The following BTBD7 variants were observed in gnomAD, a reference collection of about 807,000 sequenced individuals.
BTBD7 encodes the protein BTB domain containing 7.
In BTBD7, 38 loss-of-function variants were observed where a neutral mutation model predicts 99.9. That is an observed-to-expected ratio of 0.38 (90% CI 0.29 to 0.50). BTBD7 has a LOEUF of 0.50. BTBD7 is among the 20% of genes least tolerant of loss of function. BTBD7 has a pLI of 0.93. For missense variants in BTBD7, 1,170 were observed against 1,394.6 expected, an observed-to-expected ratio of 0.84 and a Z score of 2.57; for synonymous variants, 520 against 511.4, an observed-to-expected ratio of 1.02 and a Z score of -0.23.
chr14:93,299,883 G>A (rs1363939941), intron 1 of BTBD7, among the ~76,000 whole-genome samples: 2 of 152,132 alleles, frequency 1.3e-5, no homozygotes, highest in African/African-American at 4.8e-5. Flanking sequence ...GGACATTTGA[G>A]CACCTTTAAA....
intron 7 of BTBD7, 125 bp from the exon 8 acceptor site, chr14:93,251,777 A>T (rs2052370527): frequency 1.1e-6 from 1 of 894,034 alleles, no homozygotes. Context: ...ATAAATGTTA[A>T]CATTAGTGGT....
intron 1 of BTBD7, among the ~76,000 whole-genome samples, chr14:93,321,051 T>G (rs186417087): frequency 2.0e-4 from 31 of 152,182 alleles, no homozygotes; most frequent in Admixed American, 2.0e-3. Flanking sequence ...TTAAGAGAGG[T>G]TATAAAAAAT....
chr14:93,249,562 T>G (rs1244282977), intron 8 of BTBD7, among the ~76,000 whole-genome samples: 2 of 152,242 alleles, frequency 1.3e-5, no homozygotes, highest in African/African-American at 2.4e-5. Context: ...AGGCATGCTG[T>G]GACTGGTAGG....
Position 93,294,092 on chromosome 14 carries a change from G to T in BTBD7, c.928C>A (p.Pro310Thr), listed in dbSNP as rs146159080. 3.1e-6 allele frequency: 5 copies of T among 1,613,918 alleles called. No individual in the cohort carries two copies. In the African/African-American group the frequency reaches 5.3e-5, roughly 17 times the overall value. The change falls in exon 3 of 11, where the codon CCC becomes ACC. Residue 310 changes from proline (P) to threonine (T), a missense_variant. By Grantham distance (38) the Pro-to-Thr change is conservative. This residue lies in a region of BTBD7 where 359 missense variants were observed against 497.9 expected (regional missense o/e 0.72). Transcript: ENST00000334746. ...EEITDRTLRTPTRIILDESII... is the reference protein window; with the variant it reads ...EEITDRTLRTTTRIILDESII... ...GACTCATCTAATATAATTCTTGTGGGAGTCCTCAAAGTTCGGTCTGTGATT... is the reference window on the plus strand; with the variant it reads ...GACTCATCTAATATAATTCTTGTGGTAGTCCTCAAAGTTCGGTCTGTGATT...
At position 93,296,945 on chromosome 14, in the gene BTBD7, T is replaced by C. The variant is rs537609063; in HGVS notation, c.-106-788A>G. ...CTCAGAGCTGCTAGCAAGAGATTTA[T>C]GCAAAAAAGAAAATCTAAGAGAGAA... On this transcript the variant is annotated intron_variant, in intron 1 of 10. Coordinates refer to ENST00000334746, the MANE Select transcript of BTBD7 (RefSeq NM_001002860.4). 2.2e-4 allele frequency among the ~76,000 whole-genome samples: 33 copies of C among 152,272 alleles called. 2 individuals carry two copies. Among genetic ancestry groups the C allele is most frequent in the Admixed American group, 2.0e-3 (31 of 15,300 alleles).
chr14:93,251,515 C>T lies in BTBD7; in HGVS notation c.1890G>A (p.Gln630=). The change falls in exon 8 of 11, where the codon CAG becomes CAA. Residue 630 remains glutamine (Q), a synonymous_variant. Coordinates refer to ENST00000334746, the MANE Select transcript of BTBD7 (RefSeq NM_001002860.4). ...PQCCHMISHQ[Q]ISSNQSSPPS... ...GAGGGCTTGACTGGTTGCTGCTGAT[C>T]TGCTGGTGGCTGATCATGTGACAAC... The T allele has an allele frequency of 6.2e-7, 1 of 1,613,008 alleles. No individual in the cohort carries two copies. The highest frequency in any genetic ancestry group is 8.5e-7 in the Non-Finnish European group (1 of 1,179,184).
At position 93,242,571 on chromosome 14, in the gene BTBD7, G is replaced by A; in HGVS notation, c.3101C>T (p.Pro1034Leu). The A allele has an allele frequency of 1.9e-6, 3 of 1,614,202 alleles. No individual in the cohort carries two copies. The highest frequency in any genetic ancestry group is 2.5e-6 in the Non-Finnish European group (3 of 1,180,046). ...TGCCAAAGGAAAGTCTGACCGCTGG[G>A]GAGGTTGCTCAACGACATCCAGGTG... Reference protein sequence around the residue: ...PIHLDVVEQPPQRSDFPLAAP... With the variant: ...PIHLDVVEQPLQRSDFPLAAP... The change falls in exon 11 of 11, where the codon CCC becomes CTC. Residue 1034 changes from proline (P) to leucine (L), a missense_variant. Pro to Leu is a moderately conservative substitution (Grantham distance 98). Coordinates refer to ENST00000334746, the MANE Select transcript of BTBD7 (RefSeq NM_001002860.4).
At chr14:93,283,950 T>G (rs1320054022) in intron 3 of BTBD7, among the ~76,000 whole-genome samples, 2 of 152,184 alleles carry the variant, frequency 1.3e-5, no homozygotes, top group Non-Finnish European at 2.9e-5. Context: ...TCTTTTCCCT[T>G]AATAAATCAA....
chr14:93,261,169 A>G (rs990814445), intron 5 of BTBD7, among the ~76,000 whole-genome samples: 10 of 152,234 alleles, frequency 6.6e-5, no homozygotes, highest in African/African-American at 2.4e-4. Flanking sequence ...TAAAATTCAC[A>G]TAACACAAAA....
intron 6 of BTBD7, chr14:93,256,923 A>C (rs976455884): frequency 2.6e-6 from 1 of 386,548 alleles, no homozygotes; most frequent in Non-Finnish European, 4.6e-6. Flanking sequence ...CTTGATCTAC[A>C]CTTAAATGAC....
chr14:93,265,055 C>T (rs1282893166), intron 3 of BTBD7, among the ~76,000 whole-genome samples: 1 of 152,146 alleles, frequency 6.6e-6, no homozygotes, highest in Non-Finnish European at 1.5e-5. Flanking sequence ...TGTCTGAAAT[C>T]GTGTCACTAC....
chr14:93,270,388 G>A (rs1184656144), intron 3 of BTBD7, among the ~76,000 whole-genome samples: 1 of 152,072 alleles, frequency 6.6e-6, no homozygotes, highest in Non-Finnish European at 1.5e-5. Flanking sequence ...GAGCCACTGC[G>A]CCTGGCCAAA....
At chr14:93,290,478 C>A (rs1294548947) in intron 3 of BTBD7, among the ~76,000 whole-genome samples, 1 of 145,474 alleles carries the variant, frequency 6.9e-6, no homozygotes, top group East Asian at 2.2e-4. Flanking sequence ...TCCCAAAGTG[C>A]TGGGGTTACA....
At position 93,294,045 on chromosome 14, in the gene BTBD7, T is replaced by C. The variant is rs745635199; in HGVS notation, c.975A>G (p.Ala325=). Residue 325 remains alanine, a synonymous_variant, in exon 3 of 11, where the codon GCA becomes GCG. Coordinates refer to ENST00000334746, the MANE Select transcript of BTBD7 (RefSeq NM_001002860.4). The part of the protein sequence containing the change: ...LDESIIPKKY[A]TVILHCMYTD... ...TATACATACAGTGTAATATCACTGT[T>C]GCATATTTTTTTGGTATAATGGACT... is the stretch of plus-strand genomic sequence containing the variant. 6.2e-7 allele frequency: 1 copy of C among 1,613,902 alleles called. No homozygotes were observed. Among genetic ancestry groups the C allele is most frequent in the Non-Finnish European group, 8.5e-7 (1 of 1,179,928 alleles).
At chr14:93,262,654 G>A (rs1278696744) in intron 4 of BTBD7, among the ~76,000 whole-genome samples, 1 of 152,108 alleles carries the variant, frequency 6.6e-6, no homozygotes, top group Non-Finnish European at 1.5e-5. Context: ...AACTTGTTTT[G>A]GCAGAAGAAA....
Position 93,285,443 on chromosome 14 carries a change from TA to T in BTBD7, c.1162+8414del, listed in dbSNP as rs141396838. 1.1e-3 allele frequency among the ~76,000 whole-genome samples: 164 copies of T among 152,318 alleles called. 1 individual carries two copies. In the East Asian group the frequency reaches 0.027, roughly 25 times the overall value. On this transcript the variant is annotated intron_variant, in intron 3 of 10. Transcript: ENST00000334746. ...AAAGTTATAAATAAATTTCATATTG[TA>T]AAGATTGAAAAATGCATTTGTGATC...
Position 93,238,293 on chromosome 14 carries a change from CAT to C in BTBD7, c.*3978_*3979del. On this transcript the variant is annotated 3_prime_UTR_variant, in exon 11 of 11. Coordinates refer to ENST00000334746, the MANE Select transcript of BTBD7 (RefSeq NM_001002860.4). Reference sequence around the variant, plus strand: ...AAAGGACTTGCCAAAAGGATAACTACATAACAGATATGACAATCTACAGGACA... The same window carrying C: ...AAAGGACTTGCCAAAAGGATAACTACAACAGATATGACAATCTACAGGACA... The C allele has an allele frequency of 6.6e-6, 1 of 152,606 alleles. No individual in the cohort carries two copies. The highest frequency in any genetic ancestry group is 2.1e-4 in the South Asian group (1 of 4,834). 9.5% of individuals were successfully genotyped at this position (152,606 alleles called of 1,614,324 possible). A position where few individuals can be genotyped will look rare whatever the true frequency, so the allele number is the denominator to read the frequency against.
chr14:93,263,760 G>A (rs2052513583), intron 4 of BTBD7, 25 bp downstream of exon 4: 1 of 1,591,038 alleles, frequency 6.3e-7, no homozygotes, highest in South Asian at 1.1e-5. Context: ...GAATGACAGA[G>A]TTTGAGAGGT....
chr14:93,295,995 A>G lies in BTBD7; in HGVS notation c.57T>C (p.Asn19=). The G allele has an allele frequency of 6.2e-7, 1 of 1,614,064 alleles. No individual in the cohort carries two copies. Among genetic ancestry groups the G allele is most frequent in the South Asian group, 1.1e-5 (1 of 91,072 alleles). Residue 19 remains asparagine, a synonymous_variant, in exon 2 of 11, where the codon AAT becomes AAC. Transcript: ENST00000334746. ...CTATAAAAGTCTGTTGGGCCTGTGA[A>G]TTTCCCCCTACCCTCGGGGAACATG... ...PHSCSPRVGG[N]SQAQQTFIGT...
Sources: gnomAD v4.1 joint callset for allele counts (sites outside exome capture counted in the v4.1 genomes callset) on GRCh38, gnomAD v4.1.1 for gene constraint, gnomAD v4.1.1 regional missense constraint, MANE v1.5 for transcripts, NCBI Gene and HGNC (gene_info 2026-07-23, HGNC 2026-07-21) for gene names.